The following VTI1A variants were observed in gnomAD, a reference collection of about 807,000 sequenced individuals.
The protein encoded by VTI1A is vesicle transport through interaction with t-SNAREs 1A, also known as vesicle transport through interaction with t-SNAREs homolog 1A.
A neutral mutation model predicts 34.9 loss-of-function variants in VTI1A; 22 were observed. The observed-to-expected ratio is 0.63, with a 90% confidence interval of 0.45 to 0.90. VTI1A has a LOEUF of 0.90. Among genes scored for constraint, VTI1A ranks in the 40% least tolerant of loss-of-function variants. The probability of loss-of-function intolerance (pLI) is 0.00; values close to 1 mark genes in which losing one functional copy is unlikely to be tolerated. For synonymous variants in VTI1A, 87 were observed against 97.3 expected (o/e 0.89, Z 0.62); for missense variants, 268 against 275.6 (o/e 0.97, Z 0.20).
chr10:112,583,545 A>G (rs1844034306), intron 5 of VTI1A, among the ~76,000 whole-genome samples: 1 of 152,246 alleles, frequency 6.6e-6, no homozygotes, highest in African/African-American at 2.4e-5. Context: ...AAAAAAATAC[A>G]TTATTAAGGC....
At chr10:112,663,862 T>G (rs965654864) in intron 5 of VTI1A, among the ~76,000 whole-genome samples, 1 of 152,178 alleles carries the variant, frequency 6.6e-6, no homozygotes, top group African/African-American at 2.4e-5. Context: ...TTAGGAAATA[T>G]TACTTCAAGG....
At chr10:112,491,706 A>G (rs1221066825) in intron 3 of VTI1A, among the ~76,000 whole-genome samples, 2 of 152,146 alleles carry the variant, frequency 1.3e-5, no homozygotes, top group Admixed American at 6.5e-5. Context: ...TCAGAGTCCA[A>G]TATATGTTTT....
At chr10:112,588,870 T>C (rs1164914680) in intron 5 of VTI1A, among the ~76,000 whole-genome samples, 3 of 152,202 alleles carry the variant, frequency 2.0e-5, no homozygotes, top group Non-Finnish European at 4.4e-5. Flanking sequence ...CTTCAGGCTT[T>C]GTCTAGCTTT....
At chr10:112,673,999 C>G (rs1423045990) in intron 7 of VTI1A, among the ~76,000 whole-genome samples, 4 of 152,182 alleles carry the variant, frequency 2.6e-5, no homozygotes. Flanking sequence ...ATTGTTCTTA[C>G]TACAATGTCT....
At chr10:112,593,951 C>G (rs1359162596) in intron 5 of VTI1A, among the ~76,000 whole-genome samples, 1 of 148,934 alleles carries the variant, frequency 6.7e-6, no homozygotes, top group African/African-American at 2.5e-5. Flanking sequence ...GCTCTGTCAC[C>G]CAGGCTGGAG....
At chr10:112,556,675 T>C (rs1851554546) in intron 5 of VTI1A, among the ~76,000 whole-genome samples, 1 of 152,200 alleles carries the variant, frequency 6.6e-6, no homozygotes, top group Admixed American at 6.5e-5. Context: ...GATTGGCTTA[T>C]ATCTTATCCT....
At chr10:112,719,825 C>T (rs562160023) in intron 7 of VTI1A, among the ~76,000 whole-genome samples, 5 of 152,210 alleles carry the variant, frequency 3.3e-5, no homozygotes, top group South Asian at 2.1e-4. Context: ...CGATTACAGG[C>T]GTGAGCCACG....
rs1204182401 is a variant in VTI1A, at chr10:112,779,084, A to G, written c.561-36206A>G. ...TCACGTTTGCTTTATCGCAGCTTGA[A>G]AAGGAACGAGAGAAAGAAATACCAA... On this transcript the variant is annotated intron_variant, in intron 7 of 7. Transcript: ENST00000393077. Among the ~76,000 whole-genome samples the G allele has an allele frequency of 2.0e-5, 3 of 152,200 alleles. No homozygotes were observed. The East Asian group carries it at 5.8e-4, about 29-fold the overall frequency.
chr10:112,650,394 T>A (rs1471179437), intron 5 of VTI1A, among the ~76,000 whole-genome samples: 2 of 152,178 alleles, frequency 1.3e-5, no homozygotes, highest in African/African-American at 2.4e-5. Context: ...TGTCATCTCC[T>A]ATGATAACAA....
Position 112,650,839 on chromosome 10 carries a change from C to A in VTI1A, c.428-17379C>A, listed in dbSNP as rs145185842. Among the ~76,000 whole-genome samples, 708 of 152,332 alleles carry A rather than the reference C, an allele frequency of 4.6e-3. 6 individuals are homozygous for A. Among genetic ancestry groups the A allele is most frequent in the African/African-American group, 0.016 (680 of 41,580 alleles). ...AATTTTCAAATTAAAAGTACTGTTA[C>A]TATTTCCTGCAGTTTGACATACATT... is the stretch of plus-strand genomic sequence containing the variant. On this transcript the variant is annotated intron_variant, in intron 5 of 7. Transcript: ENST00000393077.
At chr10:112,719,623 C>T (rs1322281852) in intron 7 of VTI1A, among the ~76,000 whole-genome samples, 5 of 151,878 alleles carry the variant, frequency 3.3e-5, no homozygotes, top group Non-Finnish European at 7.4e-5. Flanking sequence ...CTCGGCTCAC[C>T]GCAACCTCCG....
chr10:112,788,257 AG>A, intron 7 of VTI1A, among the ~76,000 whole-genome samples: 1 of 151,908 alleles, frequency 6.6e-6, no homozygotes, highest in East Asian at 1.9e-4. Context: ...GAAATCTCTG[AG>A]TATAATTGTT....
At chr10:112,542,301 G>T (rs1410719660) in intron 5 of VTI1A, among the ~76,000 whole-genome samples, 4 of 152,100 alleles carry the variant, frequency 2.6e-5, no homozygotes, top group Non-Finnish European at 5.9e-5. Flanking sequence ...TGTCCCACCG[G>T]TACTGTAGAT....
At position 112,767,784 on chromosome 10, in the gene VTI1A, A is replaced by T. The variant is rs768108141; in HGVS notation, c.561-47506A>T. On this transcript the variant is annotated intron_variant, in intron 7 of 7. Transcript: ENST00000393077. The surrounding 1 kb of genome is among the most constrained non-coding windows in gnomAD (Gnocchi z 4.0). ...TTGAAGACCAATGGGACATGTAACTAACTTATTTTAAACACAAACTTCATG... is the reference window on the plus strand; with the variant it reads ...TTGAAGACCAATGGGACATGTAACTTACTTATTTTAAACACAAACTTCATG... Among the ~76,000 whole-genome samples the T allele has an allele frequency of 1.3e-5, 2 of 152,128 alleles. No homozygotes were observed. The highest frequency in any genetic ancestry group is 1.3e-4 in the Admixed American group (2 of 15,282).
intron 5 of VTI1A, among the ~76,000 whole-genome samples, chr10:112,546,281 C>T (rs1851124270): frequency 6.6e-6 from 1 of 151,956 alleles, no homozygotes; most frequent in East Asian, 2.0e-4. Context: ...TATGTATACT[C>T]CTGGCCAGGC....
In VTI1A at chr10:112,567,126, C is replaced by A. The variant is rs984973152; in HGVS notation, c.427+28796C>A. On this transcript the variant is annotated intron_variant, in intron 5 of 7. Transcript: ENST00000393077. Reference sequence around the variant, plus strand: ...CTCACTGCAGCCTCGACCTCCCTGGCTCAGGTAACCCACCTAGTTCAGCCT... The same window carrying A: ...CTCACTGCAGCCTCGACCTCCCTGGATCAGGTAACCCACCTAGTTCAGCCT... 3.3e-5 allele frequency among the ~76,000 whole-genome samples: 5 copies of A among 152,052 alleles called. 1 individual carries two copies. In the South Asian group the frequency reaches 6.2e-4, roughly 19 times the overall value.
chr10:112,846,934 A>G, the VTI1A span, among the ~76,000 whole-genome samples: 1 of 152,222 alleles, frequency 6.6e-6, no homozygotes, highest in East Asian at 1.9e-4. Flanking sequence ...AAGTCTCACC[A>G]GGTGAAGACT....
rs1053033065 is a variant in VTI1A at position 112,567,254 on chromosome 10, C to A, written c.427+28924C>A. ...CATGTTGCCCAGGCTGTCTCGAACT[C>A]CTGGGCTGAAGTGATCCACCTGCCT... On this transcript the variant is annotated intron_variant, in intron 5 of 7. Coordinates refer to ENST00000393077, the MANE Select transcript of VTI1A (RefSeq NM_145206.4). Among the ~76,000 whole-genome samples the A allele has an allele frequency of 5.9e-5, 9 of 152,248 alleles. No homozygotes were observed. In the East Asian group the frequency reaches 1.7e-3, roughly 30 times the overall value.
intron 5 of VTI1A, among the ~76,000 whole-genome samples, chr10:112,641,471 T>A (rs1000169173): frequency 6.6e-6 from 1 of 151,946 alleles, no homozygotes; most frequent in South Asian, 2.1e-4. Flanking sequence ...AATGACCAGG[T>A]GATGATGTGC....
Sources: gnomAD v4.1 joint callset for allele counts (sites outside exome capture counted in the v4.1 genomes callset) on GRCh38, gnomAD v4.1.1 for gene constraint, Gnocchi (gnomAD v3.1) non-coding constraint, MANE v1.5 for transcripts, NCBI Gene and HGNC (gene_info 2026-07-23, HGNC 2026-07-21) for gene names.